AASS: variants seen among roughly 807,000 people sequenced by gnomAD.
The protein encoded by AASS is aminoadipate-semialdehyde synthase, also known as alpha-aminoadipic semialdehyde synthase, mitochondrial.
AASS carries 86 observed loss-of-function variants against 105.4 expected under a neutral mutation model. That is an observed-to-expected ratio of 0.82 (90% CI 0.69 to 0.98). The LOEUF (loss-of-function observed/expected upper bound fraction) is 0.98. Among genes scored for constraint, AASS ranks in the 50% least tolerant of loss-of-function variants. The pLI is 0.00. For synonymous variants in AASS, 381 were observed against 394.8 expected (o/e 0.96, Z 0.41); for missense variants, 1,048 against 1,143.2 (o/e 0.92, Z 1.20).
chr7:122,110,402 C>T (rs1007567140), intron 11 of AASS, among the ~76,000 whole-genome samples: 1 of 151,144 alleles, frequency 6.6e-6, no homozygotes, highest in Non-Finnish European at 1.5e-5. Context: ...AATAAGCATA[C>T]CAAAATTGAC....
At chr7:122,122,738 A>C (rs1795496341) in intron 4 of AASS, among the ~76,000 whole-genome samples, 4 of 152,148 alleles carry the variant, frequency 2.6e-5, no homozygotes, top group Admixed American at 2.6e-4. Flanking sequence ...AAATCTATAT[A>C]TGTTCTCTAA....
chr7:122,129,228 T>C, intron 3 of AASS, 133 bp downstream of exon 3: 1 of 587,654 alleles, frequency 1.7e-6, no homozygotes. Flanking sequence ...TTCTTTCCAT[T>C]TCAGAATATA....
At position 122,116,912 on chromosome 7, in the gene AASS, G is replaced by T; in HGVS notation, c.733C>A (p.Pro245Thr). ...FNELPCEYVE[P>T]HELKEVSQTG... ...TGGGAAACTTCTTTTAATTCATGGG[G>T]CTCCACATATTCACAAGGTAGCTCA... is the stretch of plus-strand genomic sequence containing the variant. The change falls in exon 7 of 24, where the codon CCC (proline) becomes ACC (threonine). Residue 245 changes from proline (P) to threonine (T), a missense_variant. Physicochemically the swap from Pro to Thr is conservative, Grantham distance 38. Transcript: ENST00000417368. 1 of 1,613,922 alleles carries T rather than the reference G, an allele frequency of 6.2e-7. No homozygotes were observed. The highest frequency in any genetic ancestry group is 8.5e-7 in the Non-Finnish European group (1 of 1,179,954).
intron 8 of AASS, among the ~76,000 whole-genome samples, chr7:122,115,865 A>G (rs927384015): frequency 1.3e-5 from 2 of 152,192 alleles, no homozygotes; most frequent in African/African-American, 4.8e-5. Flanking sequence ...TTCTTCAAAC[A>G]TCTCAAGCTG....
chr7:122,084,120 C>G (rs1184419015), intron 19 of AASS, among the ~76,000 whole-genome samples: 1 of 152,024 alleles, frequency 6.6e-6, no homozygotes, highest in Non-Finnish European at 1.5e-5. Context: ...TACTCATATT[C>G]TTTGAACAAA....
rs879416832 is a variant in AASS, at chr7:122,104,176, T to TA, written c.1279-2497dup. The stretch of plus-strand genomic sequence containing the variant: ...TAAAACACAGAGTGGCTGAATGGAT[T>TA]AAAAAAACAAAGCTCTACTATTCAC... On this transcript the variant is annotated intron_variant, in intron 11 of 23. Transcript: ENST00000417368. Among the ~76,000 whole-genome samples, 98 of 152,048 alleles carry TA rather than the reference T, an allele frequency of 6.4e-4. 1 individual carries two copies. Among genetic ancestry groups the TA allele is most frequent in the African/African-American group, 2.3e-3 (95 of 41,466 alleles).
intron 18 of AASS, among the ~76,000 whole-genome samples, chr7:122,088,610 A>G (rs1486537345): frequency 6.6e-6 from 1 of 152,170 alleles, no homozygotes; most frequent in African/African-American, 2.4e-5. Context: ...TGCATAAAGA[A>G]TTGGTACAGG....
intron 11 of AASS, among the ~76,000 whole-genome samples, chr7:122,107,891 T>C (rs145666003): frequency 6.7e-6 from 1 of 149,936 alleles, no homozygotes; most frequent in Admixed American, 6.7e-5. Context: ...AACCTAAAAG[T>C]TTTTTTTAAG....
intron 22 of AASS, among the ~76,000 whole-genome samples, chr7:122,078,605 G>T (rs1006967237): frequency 6.6e-6 from 1 of 152,054 alleles, no homozygotes; most frequent in African/African-American, 2.4e-5. Flanking sequence ...GTGAGACACC[G>T]TCTCAAAAAA....
At chr7:122,101,889 C>A (rs17532418) in intron 11 of AASS, among the ~76,000 whole-genome samples, 2,291 of 151,970 alleles carry the variant, frequency 0.015, 33 homozygotes, top group Non-Finnish European at 0.023. Context: ...GCACAAGTCC[C>A]AATTTTAAAA....
chr7:122,093,057 A>G lies in AASS; in HGVS notation c.1757T>C (p.Leu586Ser), dbSNP rs1195649509. The change falls in exon 16 of 24, where the codon TTG becomes TCG. Residue 586 changes from leucine (L) to serine (S), a missense_variant. Leu to Ser is a moderately radical substitution (Grantham distance 145). Transcript: ENST00000417368. ...AATGATTAAAACTTACCTCTTTTCCAATTCTTTTAGTGCTGGTGTGATGTA... is the reference window on the plus strand; with the variant it reads ...AATGATTAAAACTTACCTCTTTTCCGATTCTTTTAGTGCTGGTGTGATGTA... Reference protein sequence around the residue: ...ASYITPALKELEKSVEDAGIT... With the variant: ...ASYITPALKESEKSVEDAGIT... 6.2e-7 allele frequency: 1 copy of G among 1,613,658 alleles called. No individual in the cohort carries two copies. Among genetic ancestry groups the G allele is most frequent in the Non-Finnish European group, 8.5e-7 (1 of 1,179,718 alleles).
At chr7:122,102,970 A>G (rs1279191576) in intron 11 of AASS, among the ~76,000 whole-genome samples, 1 of 152,114 alleles carries the variant, frequency 6.6e-6, no homozygotes, top group Non-Finnish European at 1.5e-5. Context: ...ATGATTCTAA[A>G]TTGTGATTAA....
At chr7:122,076,656 G>A (rs767352609) in intron 23 of AASS, 49 bp from the exon 24 acceptor site, 1 of 1,365,654 alleles carries the variant, frequency 7.3e-7, no homozygotes, top group South Asian at 1.2e-5. Flanking sequence ...TGTGTCAGAG[G>A]TTAATTTCCC....
chr7:122,129,288 C>T, intron 3 of AASS, 73 bp downstream of exon 3: 6 of 1,000,564 alleles, frequency 6.0e-6, no homozygotes, highest in Non-Finnish European at 8.4e-6. Flanking sequence ...AAGACTAAAA[C>T]TCCATTTGGG....
In AASS at chr7:122,118,386, T is replaced by C. The variant is rs763179634; in HGVS notation, c.608A>G (p.Tyr203Cys). The C allele has an allele frequency of 1.9e-5, 31 of 1,614,096 alleles. No homozygotes were observed. The highest frequency in any genetic ancestry group is 2.5e-5 in the Non-Finnish European group (29 of 1,180,034). Residue 203 changes from tyrosine (Y) to cysteine (C), a missense_variant, in exon 6 of 24, where the codon TAT becomes TGT. Physicochemically the swap from Tyr to Cys is radical, Grantham distance 194 (BLOSUM62 -2). Coordinates refer to ENST00000417368, the MANE Select transcript of AASS (RefSeq NM_005763.4). ...AGGCATCAAACCCAAAGATATTTCA[T>C]AGCCAGCATCACGGACAGCTTGCAC... The part of the protein sequence containing the change: ...QAVQAVRDAG[Y>C]EISLGLMPKS...
chr7:122,088,273 T>C (rs1358411303), intron 18 of AASS, among the ~76,000 whole-genome samples: 1 of 152,100 alleles, frequency 6.6e-6, no homozygotes, highest in African/African-American at 2.4e-5. Flanking sequence ...TTTGAATAAA[T>C]ATATCATATA....
chr7:122,138,467 G>A (rs901126170), intron 1 of AASS, among the ~76,000 whole-genome samples: 19 of 152,160 alleles, frequency 1.2e-4, no homozygotes, highest in African/African-American at 4.6e-4. Flanking sequence ...TTATGTAAAT[G>A]TGGTCTCTCT....
chr7:122,122,873 T>C (rs1795502141), intron 4 of AASS, among the ~76,000 whole-genome samples: 1 of 152,182 alleles, frequency 6.6e-6, no homozygotes, highest in Non-Finnish European at 1.5e-5. Context: ...ATACTGAACA[T>C]TTATTATAGC....
intron 11 of AASS, 87 bp from the exon 12 acceptor site, chr7:122,101,767 A>G (rs1794443301): frequency 2.0e-6 from 2 of 1,004,594 alleles, no homozygotes; most frequent in South Asian, 1.4e-5. Context: ...ATATTAATCA[A>G]GGGAAAAAAA....
Sources: allele counts gnomAD v4.1 joint callset (sites outside exome capture counted in the v4.1 genomes callset), GRCh38; gene constraint gnomAD v4.1.1; transcripts MANE v1.5; gene names NCBI Gene and HGNC (gene_info 2026-07-23, HGNC 2026-07-21).